Variants in ADGRL4 observed in about 807,000 individuals in gnomAD.
ADGRL4 encodes the protein adhesion G protein-coupled receptor L4.
Under a neutral mutation model 74.8 loss-of-function variants are expected in ADGRL4, and 90 were observed. The observed-to-expected ratio is 1.20, with a 90% CI of 1.02 to 1.43. The LOEUF (loss-of-function observed/expected upper bound fraction) is 1.43. Among genes scored for constraint, ADGRL4 ranks in the 40% most tolerant of loss-of-function variants. The pLI, the probability that ADGRL4 is intolerant of heterozygous loss-of-function variation, is 0.00. For missense variants in ADGRL4, 881 were observed against 814.3 expected, an observed-to-expected ratio of 1.08 and a Z score of -1.00; for synonymous variants, 311 against 279.2, an observed-to-expected ratio of 1.11 and a Z score of -1.14.
At chr1:78,988,996 A>T (rs7538069) in intron 2 of ADGRL4, among the ~76,000 whole-genome samples, 26,349 of 151,736 alleles carry the variant, frequency 0.17, 2,443 homozygotes, top group Non-Finnish European at 0.2. Context: ...TATATACTAA[A>T]ATCTGTCATC....
chr1:78,971,760 T>C (rs1650174448), intron 2 of ADGRL4, among the ~76,000 whole-genome samples: 1 of 126,540 alleles, frequency 7.9e-6, no homozygotes, highest in Non-Finnish European at 1.7e-5. Flanking sequence ...TTTGTTGTTT[T>C]TGTTGTTGTT....
At chr1:78,913,309 A>C (rs558800130) in intron 12 of ADGRL4, among the ~76,000 whole-genome samples, 2 of 152,060 alleles carry the variant, frequency 1.3e-5, no homozygotes, top group Admixed American at 6.6e-5. Context: ...AAGAATATAA[A>C]TTGTTCTATC....
intron 2 of ADGRL4, among the ~76,000 whole-genome samples, chr1:78,995,668 TG>T (rs534380667): frequency 1.4e-3 from 211 of 152,344 alleles, no homozygotes; most frequent in African/African-American, 4.9e-3. Context: ...AAGAATTAGT[TG>T]AACTGGAAAA....
chr1:78,992,451 C>T (rs1028964686), intron 2 of ADGRL4, among the ~76,000 whole-genome samples: 22 of 151,998 alleles, frequency 1.4e-4, no homozygotes, highest in African/African-American at 5.3e-4. Flanking sequence ...CAATAACACT[C>T]AACATAATCA....
intron 13 of ADGRL4, among the ~76,000 whole-genome samples, chr1:78,892,263 A>T (rs1648296643): frequency 6.6e-6 from 1 of 152,150 alleles, no homozygotes; most frequent in South Asian, 2.1e-4. Flanking sequence ...TAAATTCATC[A>T]CAGAATACTG....
At chr1:78,942,285 C>A (rs777370918) in intron 3 of ADGRL4, among the ~76,000 whole-genome samples, 8 of 151,706 alleles carry the variant, frequency 5.3e-5, no homozygotes, top group Non-Finnish European at 1.0e-4. Flanking sequence ...GATATAGTTG[C>A]CACCTGATAC....
intron 7 of ADGRL4, among the ~76,000 whole-genome samples, chr1:78,932,574 A>G (rs2100682728): frequency 6.8e-6 from 1 of 148,082 alleles, no homozygotes; most frequent in East Asian, 2.1e-4. Flanking sequence ...AACTAAGATC[A>G]GAGCAGAGTT....
At position 78,899,497 on chromosome 1, in the gene ADGRL4, G is replaced by T. The variant is rs566491835; in HGVS notation, c.1750-6308C>A. ...GCCTCCTGAGTAGCTGGGACCACAG[G>T]TGCACACCACCATACCTGGCTAATT... On this transcript the variant is annotated intron_variant, in intron 12 of 14. Transcript: ENST00000370742. Among the ~76,000 whole-genome samples the T allele has an allele frequency of 7.1e-4, 108 of 152,156 alleles. 1 individual carries two copies. The highest frequency in any genetic ancestry group is 6.5e-3 in the Admixed American group (99 of 15,260).
intron 2 of ADGRL4, among the ~76,000 whole-genome samples, chr1:78,971,688 T>C (rs551455928): frequency 1.3e-5 from 2 of 152,344 alleles, no homozygotes; most frequent in East Asian, 1.9e-4. Context: ...TACAACACTA[T>C]GTGACTTGTT....
chr1:78,904,783 G>GCGTGTAAAATGA (rs1648595743), intron 12 of ADGRL4, among the ~76,000 whole-genome samples: 1 of 151,838 alleles, frequency 6.6e-6, no homozygotes, highest in Non-Finnish European at 1.5e-5. Context: ...TGTAAAATGT[G>GCGTGTAAAATGA]GATAGTATTA....
chr1:78,914,499 C>T lies in ADGRL4; in HGVS notation c.1749+3135G>A, dbSNP rs1054397833. Among the ~76,000 whole-genome samples, 5 of 151,888 alleles carry T rather than the reference C, an allele frequency of 3.3e-5. No homozygotes were observed. In the East Asian group the frequency reaches 9.8e-4, roughly 30 times the overall value. On this transcript the variant is annotated intron_variant, in intron 12 of 14. Coordinates refer to ENST00000370742, the MANE Select transcript of ADGRL4 (RefSeq NM_022159.4). ...TTCCTAATCAGTAGGTCATTGCTAT[C>T]CCCAAAATGGCAAGTGGTGATCAAT...
chr1:78,999,839 T>TCTACCTACCTACCTAC (rs1160580495), intron 2 of ADGRL4, among the ~76,000 whole-genome samples: 2 of 111,574 alleles, frequency 1.8e-5, no homozygotes, highest in African/African-American at 6.7e-5. Flanking sequence ...TATCTATCTA[T>TCTACCTACCTACCTAC]CTACCTACCT....
chr1:78,969,950 G>T (rs1219089806), intron 2 of ADGRL4, among the ~76,000 whole-genome samples: 1 of 152,152 alleles, frequency 6.6e-6, no homozygotes, highest in Non-Finnish European at 1.5e-5. Flanking sequence ...CCTGCCAGGT[G>T]ATGGGAATAA....
intron 2 of ADGRL4, among the ~76,000 whole-genome samples, chr1:78,969,557 G>A (rs1650127968): frequency 6.6e-6 from 1 of 152,130 alleles, no homozygotes; most frequent in African/African-American, 2.4e-5. Flanking sequence ...GGTCTTATTT[G>A]AGATTCCTTG....
intron 12 of ADGRL4, among the ~76,000 whole-genome samples, chr1:78,913,266 A>G (rs1227723863): frequency 6.6e-6 from 1 of 151,966 alleles, no homozygotes; most frequent in Non-Finnish European, 1.5e-5. Context: ...CTACCATTTG[A>G]CCCAGCAATC....
intron 12 of ADGRL4, among the ~76,000 whole-genome samples, chr1:78,895,526 T>G (rs1648377902): frequency 6.6e-6 from 1 of 152,106 alleles, no homozygotes; most frequent in African/African-American, 2.4e-5. Context: ...GAATGAAGGT[T>G]TAGGAAGTAC....
intron 2 of ADGRL4, among the ~76,000 whole-genome samples, chr1:78,979,522 A>G (rs1339072431): frequency 6.6e-6 from 1 of 152,026 alleles, no homozygotes; most frequent in African/African-American, 2.4e-5. Flanking sequence ...CAGAACTACC[A>G]TTTCATCCAG....
chr1:78,975,381 CAT>C (rs1650256608), intron 2 of ADGRL4, among the ~76,000 whole-genome samples: 1 of 151,972 alleles, frequency 6.6e-6, no homozygotes, highest in African/African-American at 2.4e-5. Flanking sequence ...ATTATGATGC[CAT>C]ATGTCACCCA....
At chr1:78,955,983 T>C (rs1649820988) in intron 2 of ADGRL4, among the ~76,000 whole-genome samples, 3 of 152,178 alleles carry the variant, frequency 2.0e-5, no homozygotes, top group African/African-American at 7.2e-5. Context: ...CGATTGACTC[T>C]AGTCTTTTTC....
Sources: gnomAD v4.1 joint callset for allele counts (sites outside exome capture counted in the v4.1 genomes callset) on GRCh38, gnomAD v4.1.1 for gene constraint, MANE v1.5 for transcripts, NCBI Gene and HGNC (gene_info 2026-07-23, HGNC 2026-07-21) for gene names.